The following ESYT3 variants were observed in gnomAD, a reference collection of about 807,000 sequenced individuals.
ESYT3 encodes extended synaptotagmin-3.
In ESYT3, 101 loss-of-function variants were observed where a neutral mutation model predicts 111.5. The observed-to-expected ratio is 0.91, with a 90% CI of 0.77 to 1.07. ESYT3 has a LOEUF of 1.07. Ranked by LOEUF, ESYT3 falls within the 50% of genes least tolerant of loss-of-function variation. The pLI is 0.00. For synonymous variants in ESYT3, 416 were observed against 446.8 expected, an observed-to-expected ratio of 0.93 and a Z score of 0.87; for missense variants, 1,097 against 1,109.4, an observed-to-expected ratio of 0.99 and a Z score of 0.16.
At chr3:138,441,334 A>G (rs2108592500) in intron 1 of ESYT3, among the ~76,000 whole-genome samples, 1 of 152,288 alleles carries the variant, frequency 6.6e-6, no homozygotes, top group Middle Eastern at 3.4e-3. Context: ...TGAGTAACTG[A>G]GAGGTCACAT....
At chr3:138,460,808 T>C in intron 7 of ESYT3, 142 bp downstream of exon 7, 1 of 974,410 alleles carries the variant, frequency 1.0e-6, no homozygotes, top group South Asian at 1.4e-5. Flanking sequence ...CTGTTTGGAG[T>C]GGGAGGCTAA....
Position 138,468,676 on chromosome 3 carries a change from G to A in ESYT3, c.1330G>A (p.Ala444Thr). ...LTEDHGGLSTAILVVFLESAC... is the reference protein window; with the variant it reads ...LTEDHGGLSTTILVVFLESAC... ...GCAGGACCATGGTGGCCTTTCCACT[G>A]CCATTCTCGTGGTCTTCTTGGAGAG... Residue 444 changes from alanine to threonine, a missense_variant, in exon 13 of 23, where the codon GCC (alanine) becomes ACC (threonine). Transcript: ENST00000389567. 1 of 1,614,160 alleles carries A rather than the reference G, an allele frequency of 6.2e-7. No homozygotes were observed. Among genetic ancestry groups the A allele is most frequent in the Non-Finnish European group, 8.5e-7 (1 of 1,180,040 alleles).
chr3:138,446,927 C>T (rs775581193), intron 1 of ESYT3, among the ~76,000 whole-genome samples: 7 of 152,028 alleles, frequency 4.6e-5, no homozygotes, highest in South Asian at 4.2e-4. Context: ...CCTAGCTACT[C>T]GGGAGGCTGA....
At chr3:138,447,282 G>T (rs2031606069) in intron 1 of ESYT3, among the ~76,000 whole-genome samples, 2 of 152,210 alleles carry the variant, frequency 1.3e-5, no homozygotes, top group Admixed American at 6.5e-5. Flanking sequence ...AGGCCACAAG[G>T]AATTATCAAC....
intron 8 of ESYT3, 23 bp from the exon 9 acceptor site, chr3:138,464,321 GC>G (rs1460262560): frequency 6.2e-7 from 1 of 1,612,680 alleles, no homozygotes; most frequent in Non-Finnish European, 8.5e-7. Context: ...GCAGCTGTGA[GC>G]CCTGGGCTTG....
chr3:138,452,770 C>G (rs1191326975), intron 2 of ESYT3, among the ~76,000 whole-genome samples: 2 of 152,202 alleles, frequency 1.3e-5, no homozygotes, highest in African/African-American at 4.8e-5. Context: ...AATCTCCTGA[C>G]TGAGGAATGT....
In ESYT3 at chr3:138,434,967, C is replaced by T. The variant is rs1377107080; in HGVS notation, c.169C>T (p.Leu57Phe). ...GPVYLAGYLG[L>F]SITWLLLGAL... ...TGTCTACCTAGCTGGCTACCTGGGG[C>T]TCAGCATAACCTGGTTGCTGCTCGG... The change falls in exon 1 of 23, where the codon CTC (leucine) becomes TTC (phenylalanine). Residue 57 changes from leucine to phenylalanine, a missense_variant. Coordinates refer to ENST00000389567, the MANE Select transcript of ESYT3 (RefSeq NM_031913.5). The T allele has an allele frequency of 1.2e-5, 19 of 1,555,512 alleles. No homozygotes were observed. Among genetic ancestry groups the T allele is most frequent in the Non-Finnish European group, 1.7e-5 (19 of 1,148,832 alleles).
intron 20 of ESYT3, 85 bp downstream of exon 20, chr3:138,474,437 G>A (rs1014376089): frequency 1.7e-5 from 25 of 1,454,316 alleles, no homozygotes; most frequent in Non-Finnish European, 2.0e-5. Flanking sequence ...CAGCCTGCCA[G>A]ATGCTGGAAG....
At chr3:138,439,411 C>T (rs146295713) in intron 1 of ESYT3, among the ~76,000 whole-genome samples, 300 of 152,254 alleles carry the variant, frequency 2.0e-3, no homozygotes, top group African/African-American at 6.3e-3. Flanking sequence ...CTCGGAGTCC[C>T]GGCTGTGCTG....
chr3:138,439,830 ATC>A (rs2108590856), intron 1 of ESYT3, among the ~76,000 whole-genome samples: 1 of 152,274 alleles, frequency 6.6e-6, no homozygotes, highest in East Asian at 1.9e-4. Flanking sequence ...CATTTTGTCT[ATC>A]TGTGGTTTCT....
At position 138,444,816 on chromosome 3, in the gene ESYT3, G is replaced by C. The variant is rs138212171; in HGVS notation, c.328-7232G>C. 2.8e-3 allele frequency among the ~76,000 whole-genome samples: 419 copies of C among 152,318 alleles called. 3 individuals carry two copies. The highest frequency in any genetic ancestry group is 9.6e-3 in the African/African-American group (399 of 41,560). On this transcript the variant is annotated intron_variant, in intron 1 of 22. Coordinates refer to ENST00000389567, the MANE Select transcript of ESYT3 (RefSeq NM_031913.5). ...TTTATAAAGGAGTTGAGGTCTGAAG[G>C]CTGCTATATGAATTTGGTGACACAG...
rs2033552482 is a variant in ESYT3 at position 138,477,726 on chromosome 3, C to CAA, written c.*874_*875dup. 1 of 152,142 alleles carries CAA rather than the reference C, an allele frequency of 6.6e-6. No homozygotes were observed. Among genetic ancestry groups the CAA allele is most frequent in the Non-Finnish European group, 1.5e-5 (1 of 68,010 alleles). 9.4% of individuals were successfully genotyped at this position (152,142 alleles called of 1,614,324 possible). A position where few individuals can be genotyped will look rare whatever the true frequency, so the allele number is the denominator to read the frequency against. On this transcript the variant is annotated 3_prime_UTR_variant, in exon 23 of 23. Coordinates refer to ENST00000389567, the MANE Select transcript of ESYT3 (RefSeq NM_031913.5). ...GTTCACCTAAATAACATGTTAAAAG[C>CAA]AAAGTATTAAATTATATGCTTAAAC...
At chr3:138,439,196 G>A (rs534034276) in intron 1 of ESYT3, among the ~76,000 whole-genome samples, 1 of 152,336 alleles carries the variant, frequency 6.6e-6, no homozygotes. Context: ...CCCAGTGGGG[G>A]CTGTCCCTTT....
intron 2 of ESYT3, 136 bp from the exon 3 acceptor site, chr3:138,455,058 A>G: frequency 1.1e-6 from 1 of 922,380 alleles, no homozygotes; most frequent in Non-Finnish European, 1.7e-6. Flanking sequence ...TGGGCAGGCA[A>G]GCAGGTGAGT....
At chr3:138,450,896 C>A (rs2031877244) in intron 1 of ESYT3, among the ~76,000 whole-genome samples, 1 of 152,206 alleles carries the variant, frequency 6.6e-6, no homozygotes, top group Admixed American at 6.5e-5. Flanking sequence ...CGTGGGTGGT[C>A]CCAGGCCCAC....
chr3:138,456,702 A>G (rs566104359), intron 3 of ESYT3, among the ~76,000 whole-genome samples: 1 of 152,206 alleles, frequency 6.6e-6, no homozygotes, highest in South Asian at 2.1e-4. Context: ...ATGAGAAGCT[A>G]ATGCCTGATG....
Position 138,434,675 on chromosome 3 carries a change from C to T in ESYT3, c.-124C>T. The T allele has an allele frequency of 1.1e-6, 1 of 897,630 alleles. No individual in the cohort carries two copies. 55.6% of individuals were successfully genotyped at this position (897,630 alleles called of 1,614,324 possible). A position where few individuals can be genotyped will look rare whatever the true frequency, so the allele number is the denominator to read the frequency against. On this transcript the variant is annotated 5_prime_UTR_variant, in exon 1 of 23. Transcript: ENST00000389567. ...CCTGAGCTCGGCGCGCCGAGAGTCCCAGCAGGGCAAGGGGGCGCGGCGTCC... is the reference window on the plus strand; with the variant it reads ...CCTGAGCTCGGCGCGCCGAGAGTCCTAGCAGGGCAAGGGGGCGCGGCGTCC...
At chr3:138,436,902 G>A (rs947927345) in intron 1 of ESYT3, among the ~76,000 whole-genome samples, 1 of 152,198 alleles carries the variant, frequency 6.6e-6, no homozygotes, top group African/African-American at 2.4e-5. Context: ...TGTAAAGGCA[G>A]TATATCCGAT....
At chr3:138,462,874 G>A (rs537749194) in intron 8 of ESYT3, among the ~76,000 whole-genome samples, 1 of 152,214 alleles carries the variant, frequency 6.6e-6, no homozygotes, top group African/African-American at 2.4e-5. Flanking sequence ...CGTTGGCCAG[G>A]CTGGTCTCAA....
Sources: gnomAD v4.1 joint callset for allele counts (sites outside exome capture counted in the v4.1 genomes callset) on GRCh38, gnomAD v4.1.1 for gene constraint, MANE v1.5 for transcripts, NCBI Gene and HGNC (gene_info 2026-07-23, HGNC 2026-07-21) for gene names.